Variants in PCDHGA4 observed in about 807,000 individuals in gnomAD.
PCDHGA4 encodes the protein protocadherin gamma-A4.
Under a neutral mutation model 54.6 loss-of-function variants are expected in PCDHGA4, and 38 were observed. The observed-to-expected ratio is 0.70, with a 90% CI of 0.54 to 0.91. The LOEUF is 0.91. PCDHGA4 is among the 40% of genes least tolerant of loss of function. The pLI, the probability that PCDHGA4 is intolerant of heterozygous loss-of-function variation, is 0.00. For synonymous variants in PCDHGA4, 511 were observed against 512.9 expected (o/e 1.00, Z 0.05); for missense variants, 1,298 against 1,220.9 (o/e 1.06, Z -0.94).
chr5:141,399,991 G>C, intron 1 of PCDHGA4: 1 of 1,612,422 alleles, frequency 6.2e-7, no homozygotes, highest in Non-Finnish European at 8.5e-7. Context: ...CACAGGAGAG[G>C]TGCGCACAGC....
Position 141,417,921 on chromosome 5 carries a change from T to G in PCDHGA4, c.2514+60300T>G, listed in dbSNP as rs771406905. 7.5e-6 allele frequency: 12 copies of G among 1,607,746 alleles called. No homozygotes were observed. The Admixed American group carries it at 1.7e-4, about 23-fold the overall frequency. On this transcript the variant is annotated intron_variant, in intron 1 of 3. Transcript: ENST00000571252. ...CCGCGGCAGGTACTATTTCCTTTGC[T>G]GCTGCCTTTGTTCTACCCCACGCTG...
At chr5:141,360,926 T>A in intron 1 of PCDHGA4, 1 of 1,613,986 alleles carries the variant, frequency 6.2e-7, no homozygotes, top group Non-Finnish European at 8.5e-7. Context: ...GTGCTTCAAG[T>A]GACAGCCACC....
intron 1 of PCDHGA4, among the ~76,000 whole-genome samples, chr5:141,437,026 A>G (rs1398960659): frequency 6.6e-6 from 1 of 152,258 alleles, no homozygotes; most frequent in Non-Finnish European, 1.5e-5. Context: ...TCACCAGAAA[A>G]TGGATCACCG....
At position 141,491,489 on chromosome 5, in the gene PCDHGA4, A is replaced by T; in HGVS notation, c.2515-3318A>T. 1.2e-6 allele frequency: 2 copies of T among 1,614,130 alleles called. No individual in the cohort carries two copies. Among genetic ancestry groups the T allele is most frequent in the Non-Finnish European group, 1.7e-6 (2 of 1,180,018 alleles). On this transcript the variant is annotated intron_variant, in intron 1 of 3. Coordinates refer to ENST00000571252, the MANE Select transcript of PCDHGA4 (RefSeq NM_018917.4). This position sits in a 1 kb window ranked among gnomAD's most constrained non-coding sequence, Gnocchi z 6.9. ...TATAAGCAGTCCAGCCCCAACCTGC[A>T]GGTGAGCTCGGACGGCACGCTCAAG... is the stretch of plus-strand genomic sequence containing the variant.
Position 141,491,103 on chromosome 5 carries a change from G to T in PCDHGA4, c.2515-3704G>T, listed in dbSNP as rs1190609518. The T allele has an allele frequency of 6.2e-7, 1 of 1,614,162 alleles. No individual in the cohort carries two copies. ...CCACAGCCCCAGGACTGTTCCTCGT[G>T]TCTACACACACTGGTGAGGTGCGCA... On this transcript the variant is annotated intron_variant, in intron 1 of 3. Coordinates refer to ENST00000571252, the MANE Select transcript of PCDHGA4 (RefSeq NM_018917.4). The surrounding 1 kb of genome is among the most constrained non-coding windows in gnomAD (Gnocchi z 6.9).
chr5:141,408,624 A>G, intron 1 of PCDHGA4: 1 of 1,614,016 alleles, frequency 6.2e-7, no homozygotes, highest in Non-Finnish European at 8.5e-7. Flanking sequence ...ATACATTTAG[A>G]AATTTTCGAA....
intron 1 of PCDHGA4, chr5:141,419,210 G>A: frequency 6.2e-7 from 1 of 1,613,926 alleles, no homozygotes; most frequent in Non-Finnish European, 8.5e-7. Flanking sequence ...CAACGCGCCG[G>A]TTTTCGGACA....
chr5:141,390,207 C>G (rs1359982168), intron 1 of PCDHGA4: 5 of 1,614,028 alleles, frequency 3.1e-6, no homozygotes, highest in African/African-American at 1.3e-5. Flanking sequence ...GAGTTCAGGA[C>G]AAGACATACT....
intron 1 of PCDHGA4, chr5:141,383,378 C>A (rs753458256): frequency 8.1e-6 from 13 of 1,613,884 alleles, no homozygotes; most frequent in Non-Finnish European, 1.1e-5. Flanking sequence ...GCTGGGGATC[C>A]AGATGTGGGC....
chr5:141,441,905 C>G, intron 1 of PCDHGA4: 1 of 348,464 alleles, frequency 2.9e-6, no homozygotes, highest in Non-Finnish European at 5.5e-6. Flanking sequence ...GCTGTAGACG[C>G]AGATGTGAGA....
Position 141,366,304 on chromosome 5 carries a change from C to T in PCDHGA4, c.2514+8683C>T, listed in dbSNP as rs373044204. On this transcript the variant is annotated intron_variant, in intron 1 of 3. Coordinates refer to ENST00000571252, the MANE Select transcript of PCDHGA4 (RefSeq NM_018917.4). The stretch of plus-strand genomic sequence containing the variant: ...GCCAGCCCCCTCTGTCAGCCACCTT[C>T]ACGGTCACCGTTGCCGTGGCCGACA... 4.3e-5 allele frequency: 70 copies of T among 1,613,786 alleles called. No individual in the cohort carries two copies. The African/African-American group carries it at 9.1e-4, about 21-fold the overall frequency.
Position 141,386,264 on chromosome 5 carries a change from A to T in PCDHGA4, c.2514+28643A>T, listed in dbSNP as rs115810695. Among the ~76,000 whole-genome samples the T allele has an allele frequency of 6.0e-3, 910 of 152,346 alleles. 6 individuals are homozygous for T. Among genetic ancestry groups the T allele is most frequent in the African/African-American group, 0.02 (846 of 41,566 alleles). On this transcript the variant is annotated intron_variant, in intron 1 of 3. Coordinates refer to ENST00000571252, the MANE Select transcript of PCDHGA4 (RefSeq NM_018917.4). ...TTGGAAATAACCCAATCTGGGATTA[A>T]CTACTTCCATATTCTTTTGTATAAC...
chr5:141,494,807 C>A lies in PCDHGA4; in HGVS notation c.2515C>A (p.Gln839Lys), dbSNP rs568448786. Residue 839 changes from glutamine to lysine, a missense_variant and splice_region_variant, in exon 2 of 4, where the codon CAA (glutamine) becomes AAA (lysine). Coordinates refer to ENST00000571252, the MANE Select transcript of PCDHGA4 (RefSeq NM_018917.4). ...CCCTTTCCCTCTGTTTTCTCCACAGCAAGCCCCGCCCAACACGGACTGGCG... is the reference window on the plus strand; with the variant it reads ...CCCTTTCCCTCTGTTTTCTCCACAGAAAGCCCCGCCCAACACGGACTGGCG... ...LETKGDPNLQ[Q>K]APPNTDWRFS... The A allele has an allele frequency of 2.5e-5, 40 of 1,614,144 alleles. No individual in the cohort carries two copies. The South Asian group carries it at 4.0e-4, about 16-fold the overall frequency.
At position 141,490,370 on chromosome 5, in the gene PCDHGA4, G is replaced by C. The variant is rs768474199; in HGVS notation, c.2515-4437G>C. ...GTGGGGTTGTTTAATGTGCGAGACC[G>C]GGACTCAGGTAGAAATGGTGAAGTG... On this transcript the variant is annotated intron_variant, in intron 1 of 3. Coordinates refer to ENST00000571252, the MANE Select transcript of PCDHGA4 (RefSeq NM_018917.4). The surrounding 1 kb of genome is among the most constrained non-coding windows in gnomAD (Gnocchi z 5.4). 1 of 1,614,172 alleles carries C rather than the reference G, an allele frequency of 6.2e-7. No individual in the cohort carries two copies. Among genetic ancestry groups the C allele is most frequent in the Admixed American group, 1.7e-5 (1 of 60,026 alleles).
At chr5:141,366,394 C>T in intron 1 of PCDHGA4, 2 of 1,614,168 alleles carry the variant, frequency 1.2e-6, no homozygotes, top group Non-Finnish European at 1.7e-6. Flanking sequence ...AGGATCTGGA[C>T]CTCACACTCT....
chr5:141,403,273 A>C, intron 1 of PCDHGA4: 1 of 1,613,886 alleles, frequency 6.2e-7, no homozygotes, highest in African/African-American at 1.3e-5. Context: ...TGAACTTTAA[A>C]GTCCTGGTTG....
intron 1 of PCDHGA4, chr5:141,362,094 A>G (rs749569389): frequency 6.2e-7 from 1 of 1,613,384 alleles, no homozygotes; most frequent in East Asian, 2.2e-5. Context: ...GACAGCCGCC[A>G]CTCTCCGCTA....
chr5:141,510,834 G>T, intron 3 of PCDHGA4, 113 bp from the exon 4 acceptor site: 1 of 1,581,880 alleles, frequency 6.3e-7, no homozygotes. Flanking sequence ...AGTGCTCAGC[G>T]TGGTCAAGGC....
At position 141,357,327 on chromosome 5, in the gene PCDHGA4, G is replaced by A. The variant is rs373544325; in HGVS notation, c.2220G>A (p.Thr740=). The A allele has an allele frequency of 3.9e-5, 63 of 1,613,912 alleles. No homozygotes were observed. Among genetic ancestry groups the A allele is most frequent in the Non-Finnish European group, 4.9e-5 (58 of 1,179,932 alleles). ...AVSCVFLAFV[T]VLLALKLRRW... is the part of the protein sequence containing the mutation. Reference sequence around the variant, plus strand: ...CCTGCGTCTTCCTGGCTTTTGTCACGGTGCTGCTAGCACTCAAGCTGAGAC... The same window carrying A: ...CCTGCGTCTTCCTGGCTTTTGTCACAGTGCTGCTAGCACTCAAGCTGAGAC... The change falls in exon 1 of 4, where the codon ACG becomes ACA. Residue 740 remains threonine (T), a synonymous_variant. Transcript: ENST00000571252.
Sources: allele counts gnomAD v4.1 joint callset (sites outside exome capture counted in the v4.1 genomes callset), GRCh38; gene constraint gnomAD v4.1.1; non-coding constraint Gnocchi (gnomAD v3.1); transcripts MANE v1.5; gene names NCBI Gene and HGNC (gene_info 2026-07-23, HGNC 2026-07-21).